The following OTOG variants were observed in gnomAD, a reference collection of about 807,000 sequenced individuals.
OTOG encodes otogelin.
In OTOG, 296 loss-of-function variants were observed where a neutral mutation model predicts 313.8. The observed-to-expected ratio is 0.94, with a 90% CI of 0.86 to 1.04. OTOG has a LOEUF of 1.04. OTOG is among the 50% of genes least tolerant of loss of function. The probability of loss-of-function intolerance (pLI) is 0.00; values close to 1 mark genes in which losing one functional copy is unlikely to be tolerated. For missense variants in OTOG, 3,948 were observed against 3,840.1 expected, an observed-to-expected ratio of 1.03 and a Z score of -0.74; for synonymous variants, 1,533 against 1,554.9, an observed-to-expected ratio of 0.99 and a Z score of 0.33.
chr11:17,627,655 G>C (rs773892657), intron 39 of OTOG, among the ~76,000 whole-genome samples: 1 of 151,214 alleles, frequency 6.6e-6, no homozygotes, highest in Non-Finnish European at 1.5e-5. Flanking sequence ...GAGTAGGATT[G>C]GTATTAACTC....
chr11:17,555,623 C>G (rs1852039673), intron 6 of OTOG, 156 bp from the exon 7 acceptor site: 1 of 599,772 alleles, frequency 1.7e-6, no homozygotes, highest in Non-Finnish European at 3.0e-6. Flanking sequence ...ATTGCCTCCC[C>G]TCTGTGATGT....
At chr11:17,629,081 T>C (rs1854051933) in intron 39 of OTOG, 52 bp from the exon 40 acceptor site, 1 of 1,474,352 alleles carries the variant, frequency 6.8e-7, no homozygotes, top group African/African-American at 1.4e-5. Context: ...GATGGATGGA[T>C]GGATGAATGA....
rs1165644794 is a variant in OTOG at position 17,610,408 on chromosome 11, C to G, written c.5108C>G (p.Ala1703Gly). 1 of 1,550,402 alleles carries G rather than the reference C, an allele frequency of 6.4e-7. No individual in the cohort carries two copies. Among genetic ancestry groups the G allele is most frequent in the Non-Finnish European group, 8.7e-7 (1 of 1,146,938 alleles). ...PSTPLTVAGT[A>G]AEQVPVSPLA... ...ACCCCTCTAACTGTGGCTGGAACAG[C>G]AGCAGAACAGGTTCCTGTCAGTCCC... is the stretch of plus-strand genomic sequence containing the variant. Residue 1703 changes from alanine (A) to glycine (G), a missense_variant, in exon 36 of 56, where the codon GCA becomes GGA. Physicochemically the swap from Ala to Gly is moderately conservative, Grantham distance 60. Transcript: ENST00000399397.
At chr11:17,606,190 CT>C in intron 33 of OTOG, 55 bp downstream of exon 33, 1 of 1,471,174 alleles carries the variant, frequency 6.8e-7, no homozygotes. Context: ...GTCCACTGCT[CT>C]TCCCACCCTG....
intron 23 of OTOG, among the ~76,000 whole-genome samples, chr11:17,581,182 T>C (rs1029292378): frequency 1.3e-5 from 2 of 152,108 alleles, no homozygotes; most frequent in African/African-American, 4.8e-5. Flanking sequence ...GAGGAATAAA[T>C]AGAAGGGGGC....
chr11:17,642,271 G>A, intron 53 of OTOG, 25 bp downstream of exon 53: 1 of 1,539,230 alleles, frequency 6.5e-7, no homozygotes, highest in Non-Finnish European at 8.8e-7. Context: ...CTCCACTGAG[G>A]CTGTAGGCCA....
Position 17,613,370 on chromosome 11 carries a change from TTCCC to T in OTOG, c.6439-238_6439-235del, listed in dbSNP as rs1300460954. ...CTTCCTTCCTTCCTTCCTTCCTTCC[TTCCC>T]TCCTTCCTTCCTTCCTTCCTTCCTT... On this transcript the variant is annotated intron_variant, in intron 38 of 55. Coordinates refer to ENST00000399397, the MANE Select transcript of OTOG (RefSeq NM_001292063.2). Among the ~76,000 whole-genome samples, 269 of 69,048 alleles carry T rather than the reference TTCCC, an allele frequency of 3.9e-3. 6 individuals are homozygous for T. Among genetic ancestry groups the T allele is most frequent in the African/African-American group, 0.011 (226 of 21,030 alleles). 45.3% of individuals were successfully genotyped at this position (69,048 alleles called of 152,430 possible).
At chr11:17,555,979 G>A in intron 7 of OTOG, 82 bp downstream of exon 7, 1 of 1,112,526 alleles carries the variant, frequency 9.0e-7, no homozygotes, top group Non-Finnish European at 1.3e-6. Context: ...CTCTTCTCAA[G>A]CCCAAAGGAA....
chr11:17,617,917 ATT>A (rs762600888), intron 39 of OTOG, among the ~76,000 whole-genome samples: 4 of 142,684 alleles, frequency 2.8e-5, no homozygotes, highest in Middle Eastern at 3.6e-3. Context: ...TTCTTCTTCT[ATT>A]TTTTTTTTTT....
At chr11:17,605,804 G>T (rs1042864046) in intron 32 of OTOG, 53 bp from the exon 33 acceptor site, 5 of 1,479,394 alleles carry the variant, frequency 3.4e-6, no homozygotes, top group Non-Finnish European at 4.5e-6. Flanking sequence ...TGCTGTTCCC[G>T]CAGCCACCTG....
At position 17,624,953 on chromosome 11, in the gene OTOG, G is replaced by A. The variant is rs138923302; in HGVS notation, c.6529-4180G>A. On this transcript the variant is annotated intron_variant, in intron 39 of 55. Coordinates refer to ENST00000399397, the MANE Select transcript of OTOG (RefSeq NM_001292063.2). ...AGATTGCCTTCCTGATTTGGCTCTCGGCTTAGCTATTGTTGGTATATAGGA... is the reference window on the plus strand; with the variant it reads ...AGATTGCCTTCCTGATTTGGCTCTCAGCTTAGCTATTGTTGGTATATAGGA... Among the ~76,000 whole-genome samples, 934 of 152,044 alleles carry A rather than the reference G, an allele frequency of 6.1e-3. 9 individuals are homozygous for A. The highest frequency in any genetic ancestry group is 0.022 in the African/African-American group (906 of 41,494).
intron 53 of OTOG, 67 bp from the exon 54 acceptor site, chr11:17,643,394 G>T: frequency 8.7e-7 from 1 of 1,143,406 alleles, no homozygotes; most frequent in South Asian, 2.2e-5. Flanking sequence ...CTGTTTCTGG[G>T]ATCTTGGCTC....
intron 33 of OTOG, among the ~76,000 whole-genome samples, chr11:17,606,568 G>T (rs971922998): frequency 6.6e-6 from 1 of 152,200 alleles, no homozygotes; most frequent in African/African-American, 2.4e-5. Flanking sequence ...TCAATGGAAG[G>T]CCCAAGCCCC....
chr11:17,627,199 T>C lies in OTOG; in HGVS notation c.6529-1934T>C, dbSNP rs539509042. On this transcript the variant is annotated intron_variant, in intron 39 of 55. Coordinates refer to ENST00000399397, the MANE Select transcript of OTOG (RefSeq NM_001292063.2). ...GTGGGCATCCTTGTCATGTTCCATA[T>C]CTTAGAGGAAAGGCTTTTCATTTTC... Among the ~76,000 whole-genome samples, 10 of 152,334 alleles carry C rather than the reference T, an allele frequency of 6.6e-5. No homozygotes were observed. The South Asian group carries it at 1.9e-3, about 28-fold the overall frequency.
chr11:17,579,956 G>A (rs896937966), intron 23 of OTOG, among the ~76,000 whole-genome samples: 3 of 152,180 alleles, frequency 2.0e-5, no homozygotes, highest in Non-Finnish European at 2.9e-5. Flanking sequence ...AGTGAAATTG[G>A]TACAGTCTCA....
chr11:17,632,632 C>T (rs868721716), intron 42 of OTOG, among the ~76,000 whole-genome samples: 5 of 152,112 alleles, frequency 3.3e-5, no homozygotes, highest in Admixed American at 3.3e-4. Flanking sequence ...GTCCAGCACA[C>T]CTTAATTCCC....
At chr11:17,561,340 G>A (rs542444559) in intron 14 of OTOG, among the ~76,000 whole-genome samples, 4 of 152,346 alleles carry the variant, frequency 2.6e-5, no homozygotes, top group African/African-American at 9.6e-5. Context: ...TTTCCATGAG[G>A]AGAAGGGGTT....
At chr11:17,616,882 C>T (rs1353844906) in intron 39 of OTOG, among the ~76,000 whole-genome samples, 2 of 152,136 alleles carry the variant, frequency 1.3e-5, no homozygotes, top group Non-Finnish European at 1.5e-5. Flanking sequence ...TGGCTAGGAC[C>T]TCTAGTGTGA....
intron 30 of OTOG, among the ~76,000 whole-genome samples, chr11:17,597,356 T>C (rs1853136890): frequency 6.6e-6 from 1 of 152,172 alleles, no homozygotes; most frequent in Non-Finnish European, 1.5e-5. Context: ...ACTCGCAAGC[T>C]ATGTGACTTC....
Sources: gnomAD v4.1 joint callset for allele counts (sites outside exome capture counted in the v4.1 genomes callset) on GRCh38, gnomAD v4.1.1 for gene constraint, MANE v1.5 for transcripts, NCBI Gene and HGNC (gene_info 2026-07-23, HGNC 2026-07-21) for gene names.